The following ACER3 variants were observed in gnomAD, a reference collection of about 807,000 sequenced individuals.
ACER3 encodes alkaline ceramidase 3, also known as alkCDase 3.
A neutral mutation model predicts 48.9 loss-of-function variants in ACER3; 16 were observed. The ratio of observed to expected loss-of-function variants is 0.33; its 90% confidence interval spans 0.22 to 0.50. The LOEUF is 0.50. Among genes scored for constraint, ACER3 ranks in the 20% least tolerant of loss-of-function variants. The pLI is 0.98. For missense variants in ACER3, 227 were observed against 326.0 expected, an observed-to-expected ratio of 0.70 and a Z score of 2.34; for synonymous variants, 109 against 107.8, an observed-to-expected ratio of 1.01 and a Z score of -0.07.
rs1326230129 is a variant in ACER3 at position 76,860,956 on chromosome 11, G to T, written c.-21G>T. 1.3e-5 allele frequency: 18 copies of T among 1,436,110 alleles called. No homozygotes were observed. The highest frequency in any genetic ancestry group is 1.6e-5 in the Non-Finnish European group (17 of 1,065,518). 89.0% of individuals were successfully genotyped at this position (1,436,110 alleles called of 1,614,324 possible). On this transcript the variant is annotated 5_prime_UTR_variant, in exon 1 of 11. Coordinates refer to ENST00000532485, the MANE Select transcript of ACER3 (RefSeq NM_018367.7). ...CCCGGCACAGTGAGCGGAGCGCCTG[G>T]GCGGCGGCGGCGGCGGCGTGATGGC...
At chr11:76,934,983 T>C (rs969519756) in intron 2 of ACER3, among the ~76,000 whole-genome samples, 1 of 152,066 alleles carries the variant, frequency 6.6e-6, no homozygotes, top group Non-Finnish European at 1.5e-5. Context: ...TGAATTAAGT[T>C]GCCTCAAACA....
intron 1 of ACER3, among the ~76,000 whole-genome samples, chr11:76,919,442 C>T (rs188187158): frequency 1.3e-5 from 2 of 152,192 alleles, no homozygotes; most frequent in Non-Finnish European, 2.9e-5. Flanking sequence ...ATTAAGAAAT[C>T]GTGAAATTAC....
intron 6 of ACER3, among the ~76,000 whole-genome samples, chr11:76,991,020 G>A (rs888323785): frequency 6.6e-6 from 1 of 152,152 alleles, no homozygotes; most frequent in Non-Finnish European, 1.5e-5. Flanking sequence ...TGTAGGAAAT[G>A]GTGATTTAAG....
chr11:76,967,809 C>T (rs1430996926), intron 3 of ACER3, among the ~76,000 whole-genome samples: 3 of 152,114 alleles, frequency 2.0e-5, no homozygotes, highest in African/African-American at 4.8e-5. Flanking sequence ...ATAAGAGCTA[C>T]TTATGACAAA....
intron 2 of ACER3, among the ~76,000 whole-genome samples, chr11:76,929,952 A>G (rs1036282009): frequency 1.3e-5 from 2 of 151,956 alleles, no homozygotes; most frequent in African/African-American, 4.8e-5. Flanking sequence ...TGTCTCTGCC[A>G]GGCTTTGGTA....
intron 1 of ACER3, among the ~76,000 whole-genome samples, chr11:76,913,230 ACTTTGCTGAAGTTG>A (rs1436863276): frequency 1.3e-5 from 2 of 152,042 alleles, no homozygotes; most frequent in Middle Eastern, 3.2e-3. Context: ...GTATCCTGAG[ACTTTGCTGAAGTTG>A]CTTATCAGCT....
intron 2 of ACER3, among the ~76,000 whole-genome samples, chr11:76,933,466 T>C (rs1342565055): frequency 2.7e-5 from 4 of 149,740 alleles, no homozygotes; most frequent in Non-Finnish European, 6.0e-5. Context: ...TACTTGAGAT[T>C]AGGGAGTGGT....
At chr11:76,868,600 T>A (rs966783581) in intron 1 of ACER3, among the ~76,000 whole-genome samples, 7 of 152,188 alleles carry the variant, frequency 4.6e-5, no homozygotes, top group Admixed American at 1.3e-4. Context: ...CTAATCTGAC[T>A]GTGGGTCACA....
chr11:76,986,543 T>G (rs2135205321), intron 5 of ACER3, among the ~76,000 whole-genome samples: 1 of 152,310 alleles, frequency 6.6e-6, no homozygotes, highest in South Asian at 2.1e-4. Context: ...TGAAACAACA[T>G]AGTGAACTAC....
chr11:77,007,830 A>T (rs942921348), intron 7 of ACER3, among the ~76,000 whole-genome samples: 7 of 152,160 alleles, frequency 4.6e-5, no homozygotes, highest in Admixed American at 2.0e-4. Context: ...ATGGAAGTCT[A>T]GGCTCCCCAT....
intron 2 of ACER3, among the ~76,000 whole-genome samples, chr11:76,935,374 A>C (rs931402947): frequency 1.3e-5 from 2 of 152,198 alleles, no homozygotes; most frequent in African/African-American, 2.4e-5. Context: ...AGACTTTAAT[A>C]TGTATATTGA....
At chr11:76,970,575 T>C (rs1235235174) in intron 3 of ACER3, among the ~76,000 whole-genome samples, 5 of 152,164 alleles carry the variant, frequency 3.3e-5, no homozygotes, top group Non-Finnish European at 7.3e-5. Context: ...TATGATATTA[T>C]TGAGACACTT....
At chr11:76,882,142 C>G (rs985959367) in intron 1 of ACER3, among the ~76,000 whole-genome samples, 1 of 151,564 alleles carries the variant, frequency 6.6e-6, no homozygotes, top group African/African-American at 2.4e-5. Context: ...GTAGCTGGGA[C>G]TACAGGCGCC....
At chr11:76,988,444 A>G (rs768333086) in intron 5 of ACER3, among the ~76,000 whole-genome samples, 4 of 152,212 alleles carry the variant, frequency 2.6e-5, no homozygotes, top group Non-Finnish European at 5.9e-5. Flanking sequence ...TTAACAAATC[A>G]TCGTGGAAGG....
At chr11:76,941,953 T>A (rs1369208045) in intron 2 of ACER3, among the ~76,000 whole-genome samples, 4 of 152,070 alleles carry the variant, frequency 2.6e-5, no homozygotes, top group Non-Finnish European at 4.4e-5. Flanking sequence ...GCTTTCCTGA[T>A]TTGGCCCTCC....
chr11:76,883,203 T>C (rs1339656812), intron 1 of ACER3, among the ~76,000 whole-genome samples: 1 of 152,208 alleles, frequency 6.6e-6, no homozygotes, highest in Non-Finnish European at 1.5e-5. Context: ...TAATCTCTTT[T>C]TGTATTATCC....
intron 6 of ACER3, among the ~76,000 whole-genome samples, chr11:76,997,920 C>T (rs4945132): frequency 0.71 from 108,151 of 152,102 alleles, 38,842 homozygotes; most frequent in Non-Finnish European, 0.77. Context: ...CTTAGGAATG[C>T]ATTTGTAGAT....
chr11:76,888,165 G>A (rs535242212), intron 1 of ACER3, among the ~76,000 whole-genome samples: 33 of 152,242 alleles, frequency 2.2e-4, no homozygotes, highest in African/African-American at 7.9e-4. Flanking sequence ...TAAGCATGCT[G>A]TATAGCTATA....
At chr11:77,008,963 G>A (rs1555021554) in intron 7 of ACER3, among the ~76,000 whole-genome samples, 1 of 152,188 alleles carries the variant, frequency 6.6e-6, no homozygotes. Context: ...GGGAGGCTGA[G>A]ATGGGAGAAT....
Sources: allele counts gnomAD v4.1 joint callset (sites outside exome capture counted in the v4.1 genomes callset), GRCh38; gene constraint gnomAD v4.1.1; transcripts MANE v1.5; gene names NCBI Gene and HGNC (gene_info 2026-07-23, HGNC 2026-07-21).